SMYD3: variants seen among roughly 807,000 people sequenced by gnomAD.
The protein encoded by SMYD3 is SET and MYND domain containing 3.
SMYD3 carries 36 observed loss-of-function variants against 57.7 expected under a neutral mutation model. The ratio of observed to expected loss-of-function variants is 0.62; its 90% CI spans 0.48 to 0.82. SMYD3 has a LOEUF of 0.82. SMYD3 is among the 40% of genes least tolerant of loss of function. The pLI is 0.00. For synonymous variants in SMYD3, 211 were observed against 195.0 expected (o/e 1.08, Z -0.68); for missense variants, 515 against 538.8 (o/e 0.96, Z 0.44).
Position 246,068,570 on chromosome 1 carries a change from G to T in SMYD3, c.532-138633C>A, listed in dbSNP as rs145997328. On this transcript the variant is annotated intron_variant, in intron 5 of 11. Coordinates refer to ENST00000490107, the MANE Select transcript of SMYD3 (RefSeq NM_001167740.2). Reference sequence around the variant, plus strand: ...GAGGGAAGAACAAGAACATAGAGACGGAGCGCAGGGTGCCTGCAACCTGCT... The same window carrying T: ...GAGGGAAGAACAAGAACATAGAGACTGAGCGCAGGGTGCCTGCAACCTGCT... Among the ~76,000 whole-genome samples the T allele has an allele frequency of 4.5e-3, 684 of 152,270 alleles. 11 individuals are homozygous for T. The highest frequency in any genetic ancestry group is 0.015 in the African/African-American group (629 of 41,558).
intron 5 of SMYD3, among the ~76,000 whole-genome samples, chr1:246,149,574 T>C (rs1019570259): frequency 2.1e-4 from 32 of 152,212 alleles, no homozygotes; most frequent in African/African-American, 7.7e-4. Context: ...GCATTAAAAA[T>C]AATGAGGCAG....
chr1:246,101,606 A>T (rs1353179506), intron 5 of SMYD3, among the ~76,000 whole-genome samples: 2 of 152,256 alleles, frequency 1.3e-5, no homozygotes, highest in Non-Finnish European at 1.5e-5. Flanking sequence ...AAATCATTTA[A>T]TTGTACATTG....
chr1:246,117,837 C>T (rs2061365637), intron 5 of SMYD3, among the ~76,000 whole-genome samples: 1 of 152,124 alleles, frequency 6.6e-6, no homozygotes, highest in African/African-American at 2.4e-5. Flanking sequence ...TCTTTCATTT[C>T]CGAAAAACAG....
At chr1:245,908,560 C>G (rs2054743031) in intron 8 of SMYD3, among the ~76,000 whole-genome samples, 1 of 152,152 alleles carries the variant, frequency 6.6e-6, no homozygotes, top group Non-Finnish European at 1.5e-5. Flanking sequence ...GGAACATTCT[C>G]CAAGATAAAT....
rs907012125 is a variant in SMYD3, at chr1:245,817,026, G to A, written c.1076+41470C>T. On this transcript the variant is annotated intron_variant, in intron 10 of 11. Coordinates refer to ENST00000490107, the MANE Select transcript of SMYD3 (RefSeq NM_001167740.2). ...GGTAAACAAAGCAGCCGGGAAGCTC[G>A]AACTGGGTGGAGCCCACCACAGCTC... Among the ~76,000 whole-genome samples, 16 of 151,530 alleles carry A rather than the reference G, an allele frequency of 1.1e-4. No individual in the cohort carries two copies. In the South Asian group the frequency reaches 2.3e-3, roughly 22 times the overall value.
chr1:246,385,223 T>C (rs1036171479), intron 1 of SMYD3, among the ~76,000 whole-genome samples: 5 of 152,232 alleles, frequency 3.3e-5, no homozygotes, highest in South Asian at 2.1e-4. Flanking sequence ...TACTTGAAAA[T>C]TGATCTGAGT....
intron 5 of SMYD3, among the ~76,000 whole-genome samples, chr1:246,290,492 C>T (rs1001997713): frequency 6.6e-6 from 1 of 152,164 alleles, no homozygotes; most frequent in African/African-American, 2.4e-5. Context: ...AAAACCATTC[C>T]TTGTCTAACC....
intron 8 of SMYD3, among the ~76,000 whole-genome samples, chr1:245,904,941 G>A (rs1166799109): frequency 4.0e-5 from 6 of 151,614 alleles, no homozygotes; most frequent in African/African-American, 1.5e-4. Context: ...GAGTCGTGAG[G>A]CCCCCATTCC....
intron 1 of SMYD3, among the ~76,000 whole-genome samples, chr1:246,483,110 A>G (rs1360204138): frequency 6.6e-6 from 1 of 152,192 alleles, no homozygotes; most frequent in African/African-American, 2.4e-5. Flanking sequence ...CTAATTTTCT[A>G]CTGTACCCAG....
At chr1:246,212,802 G>A (rs2063110571) in intron 5 of SMYD3, among the ~76,000 whole-genome samples, 1 of 152,082 alleles carries the variant, frequency 6.6e-6, no homozygotes, top group Non-Finnish European at 1.5e-5. Context: ...GAGAATAGCT[G>A]TAATGAAAGC....
At chr1:246,125,077 A>ACACACACACACACACACACACACACAC (rs1553295580) in intron 5 of SMYD3, among the ~76,000 whole-genome samples, 19 of 104,316 alleles carry the variant, frequency 1.8e-4, no homozygotes, top group African/African-American at 5.8e-4. Flanking sequence ...GTCTCAAAAA[A>ACACACACACACACACACACACACACAC]AAAAAAAAAA....
At chr1:245,941,134 A>G (rs1345462679) in intron 5 of SMYD3, among the ~76,000 whole-genome samples, 1 of 152,228 alleles carries the variant, frequency 6.6e-6, no homozygotes, top group Non-Finnish European at 1.5e-5. Flanking sequence ...ATGAAAAGGA[A>G]TGAACAAAAC....
intron 5 of SMYD3, among the ~76,000 whole-genome samples, chr1:246,191,172 C>T (rs958516496): frequency 2.6e-5 from 4 of 152,210 alleles, no homozygotes; most frequent in African/African-American, 9.6e-5. Flanking sequence ...ATCAGTTCTC[C>T]ATGGAAGCAG....
chr1:246,160,878 T>A (rs933556667), intron 5 of SMYD3, among the ~76,000 whole-genome samples: 1 of 152,164 alleles, frequency 6.6e-6, no homozygotes, highest in African/African-American at 2.4e-5. Context: ...TAAATAGAGA[T>A]GGTGAATGTA....
At chr1:246,369,707 T>C (rs1424607931) in intron 1 of SMYD3, among the ~76,000 whole-genome samples, 2 of 152,014 alleles carry the variant, frequency 1.3e-5, no homozygotes, top group Non-Finnish European at 2.9e-5. Context: ...TTTAAATTAT[T>C]TGTAGAGACA....
intron 8 of SMYD3, among the ~76,000 whole-genome samples, chr1:245,877,347 TAG>T (rs1175689002): frequency 6.6e-6 from 1 of 151,840 alleles, no homozygotes; most frequent in Non-Finnish European, 1.5e-5. Flanking sequence ...AGATATGAGG[TAG>T]AGAGGTAGGG....
intron 8 of SMYD3, among the ~76,000 whole-genome samples, chr1:245,891,277 A>G (rs2053370773): frequency 6.6e-6 from 1 of 152,254 alleles, no homozygotes; most frequent in South Asian, 2.1e-4. Flanking sequence ...TGGATACCCC[A>G]TTTATCCTAA....
chr1:246,245,882 A>G (rs936754167), intron 5 of SMYD3, among the ~76,000 whole-genome samples: 3 of 152,198 alleles, frequency 2.0e-5, no homozygotes, highest in Admixed American at 6.5e-5. Flanking sequence ...TTCTGTAAAT[A>G]TAAGTTTAAT....
intron 1 of SMYD3, among the ~76,000 whole-genome samples, chr1:246,471,274 C>G (rs2067959352): frequency 6.6e-6 from 1 of 152,130 alleles, no homozygotes; most frequent in South Asian, 2.1e-4. Context: ...TCATGGCTCA[C>G]TGCAGCCTCC....
Sources: gnomAD v4.1 joint callset for allele counts (sites outside exome capture counted in the v4.1 genomes callset) on GRCh38, gnomAD v4.1.1 for gene constraint, MANE v1.5 for transcripts, NCBI Gene and HGNC (gene_info 2026-07-23, HGNC 2026-07-21) for gene names.